The following ZNF556 variants were observed in gnomAD, a reference collection of about 807,000 sequenced individuals.
ZNF556 encodes zinc finger protein 556.
Under a neutral mutation model 13.6 loss-of-function variants are expected in ZNF556, and 11 were observed. The observed-to-expected ratio is 0.81, with a 90% CI of 0.51 to 1.33. The LOEUF (loss-of-function observed/expected upper bound fraction) is 1.33. ZNF556 is among the 40% of genes most tolerant of loss of function. The pLI, the probability that ZNF556 is intolerant of heterozygous loss-of-function variation, is 0.00. For synonymous variants in ZNF556, 229 were observed against 207.8 expected, an observed-to-expected ratio of 1.10 and a Z score of -0.88; for missense variants, 633 against 566.2, an observed-to-expected ratio of 1.12 and a Z score of -1.20.
Position 2,878,021 on chromosome 19 carries a change from C to T in ZNF556, c.1063C>T (p.Pro355Ser), listed in dbSNP as rs778260229. 1.9e-6 allele frequency: 3 copies of T among 1,614,094 alleles called. No individual in the cohort carries two copies. The South Asian group carries it at 3.3e-5, about 18-fold the overall frequency. The change falls in exon 4 of 4, where the codon CCT becomes TCT. Residue 355 changes from proline to serine, a missense_variant. Physicochemically the swap from Pro to Ser is moderately conservative, Grantham distance 74. Transcript: ENST00000307635. ...GGSVGKSSARPRPSTDVKSQT... is the reference protein window; with the variant it reads ...GGSVGKSSARSRPSTDVKSQT... ...CAGCGTGGGAAAGTCTTCCGCGAGG[C>T]CTCGCCCCTCCACAGATGTCAAATC...
chr19:2,870,626 A>G (rs1480154695), intron 1 of ZNF556, among the ~76,000 whole-genome samples: 1 of 152,112 alleles, frequency 6.6e-6, no homozygotes, highest in Admixed American at 6.6e-5. Flanking sequence ...ACACGCCTGT[A>G]ATCCCAGCTA....
chr19:2,867,342 C>A lies in ZNF556; in HGVS notation c.-80C>A. On this transcript the variant is annotated 5_prime_UTR_variant, in exon 1 of 4. Coordinates refer to ENST00000307635, the MANE Select transcript of ZNF556 (RefSeq NM_024967.3). ...GCACACCCGGCCTGCCCTGAGTGAC[C>A]ACAGGTGTCCCCGTCGTGCTCACCT... is the stretch of plus-strand genomic sequence containing the variant. 6.5e-7 allele frequency: 1 copy of A among 1,547,270 alleles called. No individual in the cohort carries two copies. Among genetic ancestry groups the A allele is most frequent in the African/African-American group, 1.4e-5 (1 of 73,658 alleles).
chr19:2,877,698 G>A lies in ZNF556; in HGVS notation c.740G>A (p.Arg247His), dbSNP rs146297141. ...GKGFSCPKSF[R>H]AHVMMHAGGR... Reference sequence around the variant, plus strand: ...GGCTTCAGTTGTCCCAAATCCTTTCGCGCACATGTGATGATGCACGCCGGA... The same window carrying A: ...GGCTTCAGTTGTCCCAAATCCTTTCACGCACATGTGATGATGCACGCCGGA... The change falls in exon 4 of 4, where the codon CGC becomes CAC. Residue 247 changes from arginine to histidine, a missense_variant. By Grantham distance (29) the Arg-to-His change is conservative. Transcript: ENST00000307635. 2.6e-4 allele frequency: 424 copies of A among 1,613,814 alleles called. No individual in the cohort carries two copies. Among genetic ancestry groups the A allele is most frequent in the East Asian group, 5.1e-4 (23 of 44,828 alleles).
In ZNF556 at chr19:2,877,922, A is replaced by G. The variant is rs1345959426; in HGVS notation, c.964A>G (p.Lys322Glu). 1 of 1,614,238 alleles carries G rather than the reference A, an allele frequency of 6.2e-7. No homozygotes were observed. Residue 322 changes from lysine (K) to glutamate (E), a missense_variant, in exon 4 of 4, where the codon AAA (lysine) becomes GAA (glutamate). Physicochemically the swap from Lys to Glu is moderately conservative, Grantham distance 56 (BLOSUM62 1). Transcript: ENST00000307635. ...ACCCTATAAGTGTGGAAAATGCGGG[A>G]AAGCATTCGGTTGGCCCTCATCCTT... Reference protein sequence around the residue: ...EKPYKCGKCGKAFGWPSSLHK... With the variant: ...EKPYKCGKCGEAFGWPSSLHK...
rs75381536 is a variant in ZNF556, at chr19:2,878,121, A to G, written c.1163A>G (p.His388Arg). 5.0e-6 allele frequency: 8 copies of G among 1,614,160 alleles called. 1 individual carries two copies. Among genetic ancestry groups the G allele is most frequent in the Middle Eastern group, 1.6e-4 (1 of 6,062 alleles). ...TYGWSSSLHK[H>R]ERKHTGEKPV... The stretch of plus-strand genomic sequence containing the variant: ...GGTTGGTCCTCATCTTTACACAAAC[A>G]TGAGAGAAAGCACACTGGGGAGAAA... Residue 388 changes from histidine to arginine, a missense_variant, in exon 4 of 4, where the codon CAT becomes CGT. By Grantham distance (29) the His-to-Arg change is conservative. Coordinates refer to ENST00000307635, the MANE Select transcript of ZNF556 (RefSeq NM_024967.3).
rs1219638679 is a variant in ZNF556, at chr19:2,873,573, ACTC to A, written c.82_84del (p.Leu28del). On this transcript the variant is annotated inframe_deletion, in exon 2 of 4. Coordinates refer to ENST00000307635, the MANE Select transcript of ZNF556 (RefSeq NM_024967.3). Reference sequence around the variant, plus strand: ...CCTTGCTGAATCCTGCTCAGAGAAAACTCTACAGAGATGTCATGCTGGAGACCT... The same window carrying A: ...CCTTGCTGAATCCTGCTCAGAGAAAATACAGAGATGTCATGCTGGAGACCT... The A allele has an allele frequency of 7.4e-6, 12 of 1,613,280 alleles. No homozygotes were observed. The highest frequency in any genetic ancestry group is 1.0e-5 in the Non-Finnish European group (12 of 1,179,834).
At position 2,867,712 on chromosome 19, in the gene ZNF556, C is replaced by CAAAAAAAA. The variant is rs377752421; in HGVS notation, c.3+294_3+295insAAAAAAAA. Among the ~76,000 whole-genome samples the CAAAAAAAA allele has an allele frequency of 4.7e-4, 40 of 85,244 alleles. 5 individuals carry two copies. The highest frequency in any genetic ancestry group is 9.3e-4 in the South Asian group (2 of 2,158). The allele number at this position is 85,244 out of a possible 152,430, so 55.9% of individuals were successfully genotyped here. A position where few individuals can be genotyped will look rare whatever the true frequency, so the allele number is the denominator to read the frequency against. ...TTGGAAGAAAAACTAACCCAAAGTA[C>CAAAAAAAA]AAAAAACAAAACAAAAAAAAAAAAA... is the stretch of plus-strand genomic sequence containing the variant. On this transcript the variant is annotated intron_variant, in intron 1 of 3. Transcript: ENST00000307635.
chr19:2,873,408 T>C lies in ZNF556; in HGVS notation c.4-88T>C, dbSNP rs2087821451. Reference sequence around the variant, plus strand: ...ATAGATATTGGCAGACTGCAGGATCTTGTGTGAGTGTCCTATGAACTGAGT... The same window carrying C: ...ATAGATATTGGCAGACTGCAGGATCCTGTGTGAGTGTCCTATGAACTGAGT... On this transcript the variant is annotated intron_variant, in intron 1 of 3. Transcript: ENST00000307635. 4 of 1,500,448 alleles carry C rather than the reference T, an allele frequency of 2.7e-6. No homozygotes were observed. In the East Asian group the frequency reaches 9.2e-5, roughly 34 times the overall value. 92.9% of individuals were successfully genotyped at this position (1,500,448 alleles called of 1,614,324 possible).
rs201661601 is a variant in ZNF556, at chr19:2,877,759, C to G, written c.801C>G (p.Ala267=). 1 of 1,613,464 alleles carries G rather than the reference C, an allele frequency of 6.2e-7. No individual in the cohort carries two copies. The highest frequency in any genetic ancestry group is 1.1e-5 in the South Asian group (1 of 90,888). Residue 267 remains alanine, a synonymous_variant, in exon 4 of 4, where the codon GCC becomes GCG. Coordinates refer to ENST00000307635, the MANE Select transcript of ZNF556 (RefSeq NM_024967.3). The part of the protein sequence containing the change: ...RPYECKHCGK[A]FRCQKSFRVH... ...ATGAGTGCAAGCACTGTGGGAAAGC[C>G]TTCAGGTGTCAGAAATCCTTTCGAG... is the stretch of plus-strand genomic sequence containing the variant.
chr19:2,868,881 G>A (rs2087779389), intron 1 of ZNF556, among the ~76,000 whole-genome samples: 1 of 151,700 alleles, frequency 6.6e-6, no homozygotes, highest in Non-Finnish European at 1.5e-5. Context: ...GCCACACCCA[G>A]CTAATTTTTG....
At chr19:2,868,721 A>T (rs1236473531) in intron 1 of ZNF556, among the ~76,000 whole-genome samples, 2 of 125,982 alleles carry the variant, frequency 1.6e-5, no homozygotes, top group South Asian at 2.5e-4. Flanking sequence ...TGACTAGCTA[A>T]TTTTTTTTTT....
chr19:2,868,807 C>T (rs979734853), intron 1 of ZNF556, among the ~76,000 whole-genome samples: 1 of 151,968 alleles, frequency 6.6e-6, no homozygotes, highest in South Asian at 2.1e-4. Context: ...CAACCTCCGC[C>T]TCCTGGGTTC....
Position 2,876,973 on chromosome 19 carries a change from G to C in ZNF556, c.315-300G>C, listed in dbSNP as rs185397870. On this transcript the variant is annotated intron_variant, in intron 3 of 3. Transcript: ENST00000307635. ...TATGCCTGTAATCCCAGCACTTTGAGAGGCCAAGGTAGGTGGGTCACCTGT... is the reference window on the plus strand; with the variant it reads ...TATGCCTGTAATCCCAGCACTTTGACAGGCCAAGGTAGGTGGGTCACCTGT... Among the ~76,000 whole-genome samples, 8 of 152,172 alleles carry C rather than the reference G, an allele frequency of 5.3e-5. No homozygotes were observed. The East Asian group carries it at 1.6e-3, about 30-fold the overall frequency.
chr19:2,870,969 G>T (rs1021211519), intron 1 of ZNF556, among the ~76,000 whole-genome samples: 6 of 151,780 alleles, frequency 4.0e-5, no homozygotes, highest in African/African-American at 1.5e-4. Context: ...AACCTTGGAG[G>T]TGGAGGTTGC....
At chr19:2,870,186 C>T (rs1000925244) in intron 1 of ZNF556, among the ~76,000 whole-genome samples, 1 of 152,246 alleles carries the variant, frequency 6.6e-6, no homozygotes, top group African/African-American at 2.4e-5. Context: ...GGCCCCCATG[C>T]CTGTAATCCC....
At chr19:2,872,854 C>T (rs1163473411) in intron 1 of ZNF556, among the ~76,000 whole-genome samples, 3 of 150,698 alleles carry the variant, frequency 2.0e-5, no homozygotes, top group Admixed American at 1.3e-4. Context: ...ACTAAAAGGC[C>T]GGGTGTGGTG....
At position 2,882,347 on chromosome 19, in the gene ZNF556, G is replaced by C. The variant is rs1413025823; in HGVS notation, c.*4018G>C. On this transcript the variant is annotated 3_prime_UTR_variant, in exon 4 of 4. Transcript: ENST00000307635. ...GGAGGCTGAGGCAGGAGAATGGCGT[G>C]AACCCAGGAGGCGGAACTTGCAGTG... 6.6e-6 allele frequency: 1 copy of C among 151,418 alleles called. No homozygotes were observed. The highest frequency in any genetic ancestry group is 2.4e-5 in the African/African-American group (1 of 41,214). The allele number at this position is 151,418 out of a possible 1,614,324, so 9.4% of individuals were successfully genotyped here.
chr19:2,874,252 G>A (rs550593022), intron 2 of ZNF556, among the ~76,000 whole-genome samples: 51 of 151,972 alleles, frequency 3.4e-4, no homozygotes, highest in East Asian at 5.8e-4. Context: ...GTGAGACTCC[G>A]TCTCAAAAAA....
rs2087916776 is a variant in ZNF556 at position 2,883,009 on chromosome 19, C to T, written c.*4680C>T. ...GCATTGTCACTTTGCTGCCCCTACA[C>T]ACTGATGGAAAAATTGTGTTCTGCA... On this transcript the variant is annotated 3_prime_UTR_variant, in exon 4 of 4. Transcript: ENST00000307635. The T allele has an allele frequency of 6.6e-6, 1 of 152,202 alleles. No individual in the cohort carries two copies. Among genetic ancestry groups the T allele is most frequent in the Non-Finnish European group, 1.5e-5 (1 of 68,050 alleles). The allele number at this position is 152,202 out of a possible 1,614,324, so 9.4% of individuals were successfully genotyped here.
Sources: allele counts gnomAD v4.1 joint callset (sites outside exome capture counted in the v4.1 genomes callset), GRCh38; gene constraint gnomAD v4.1.1; transcripts MANE v1.5; gene names NCBI Gene and HGNC (gene_info 2026-07-23, HGNC 2026-07-21).